CLCN3: variants seen among roughly 807,000 people sequenced by gnomAD.
CLCN3 encodes H(+)/Cl(-) exchange transporter 3.
In CLCN3, 16 loss-of-function variants were observed where a neutral mutation model predicts 83.4. The ratio of observed to expected loss-of-function variants is 0.19; its 90% CI spans 0.13 to 0.29. The LOEUF is 0.29. CLCN3 is among the 10% of genes least tolerant of loss of function. CLCN3 has a pLI of 1.00. For synonymous variants in CLCN3, 322 were observed against 346.2 expected (o/e 0.93, Z 0.78); for missense variants, 544 against 1,006.0 (o/e 0.54, Z 6.21).
intron 11 of CLCN3, among the ~76,000 whole-genome samples, chr4:169,710,786 T>C (rs1733183247): frequency 6.6e-6 from 1 of 152,238 alleles, no homozygotes; most frequent in Non-Finnish European, 1.5e-5. Context: ...TAGTTTTAAT[T>C]CAGAATGTTA....
intron 2 of CLCN3, among the ~76,000 whole-genome samples, chr4:169,666,189 A>T (rs1352664051): frequency 1.3e-5 from 2 of 152,218 alleles, no homozygotes; most frequent in Admixed American, 1.3e-4. Flanking sequence ...AAAACAAAAT[A>T]AAATATCAGT....
intron 2 of CLCN3, among the ~76,000 whole-genome samples, chr4:169,637,756 G>A (rs1730269827): frequency 6.6e-6 from 1 of 151,998 alleles, no homozygotes; most frequent in African/African-American, 2.4e-5. Context: ...CCTACCTGCA[G>A]TTAATTTTTT....
At chr4:169,649,047 T>C (rs1190284529) in intron 2 of CLCN3, among the ~76,000 whole-genome samples, 1 of 146,990 alleles carries the variant, frequency 6.8e-6, no homozygotes, top group Admixed American at 6.8e-5. Flanking sequence ...AAAGTATGAA[T>C]GTGAGAACAT....
chr4:169,631,479 G>A (rs1220252701), intron 1 of CLCN3, among the ~76,000 whole-genome samples: 2 of 151,826 alleles, frequency 1.3e-5, no homozygotes, highest in African/African-American at 2.4e-5. Context: ...TAGTAGAGAC[G>A]GGGTTTCACC....
chr4:169,683,235 T>C (rs1413558254), intron 3 of CLCN3, among the ~76,000 whole-genome samples: 14 of 152,216 alleles, frequency 9.2e-5, no homozygotes, highest in Admixed American at 9.2e-4. Flanking sequence ...TAGTGGCTCA[T>C]GCCTGTAATC....
chr4:169,620,603 C>T lies in CLCN3; in HGVS notation c.-477C>T, dbSNP rs933307944. 9 of 397,066 alleles carry T rather than the reference C, an allele frequency of 2.3e-5. No homozygotes were observed. Among genetic ancestry groups the T allele is most frequent in the Admixed American group, 1.8e-4 (4 of 22,704 alleles). 24.6% of individuals were successfully genotyped at this position (397,066 alleles called of 1,614,324 possible). ...CTCTTCCCCTTCCGTGGGTCAGGGCCGGTCCGGTCCGGAACCTGCAGCCCC... is the reference window on the plus strand; with the variant it reads ...CTCTTCCCCTTCCGTGGGTCAGGGCTGGTCCGGTCCGGAACCTGCAGCCCC... On this transcript the variant is annotated 5_prime_UTR_variant, in exon 1 of 13. Transcript: ENST00000513761.
In CLCN3 at chr4:169,648,754, C is replaced by T. The variant is rs72694760; in HGVS notation, c.160+12666C>T. Among the ~76,000 whole-genome samples the T allele has an allele frequency of 4.3e-3, 648 of 152,290 alleles. 7 individuals carry two copies. The highest frequency in any genetic ancestry group is 0.036 in the South Asian group (174 of 4,832). Reference sequence around the variant, plus strand: ...AAGAAGTATGAATGTCAGCCAGGCACAGTGGCTTATGCCTATAATCCCAGC... The same window carrying T: ...AAGAAGTATGAATGTCAGCCAGGCATAGTGGCTTATGCCTATAATCCCAGC... On this transcript the variant is annotated intron_variant, in intron 2 of 12. Transcript: ENST00000513761.
intron 2 of CLCN3, among the ~76,000 whole-genome samples, chr4:169,642,440 G>C (rs1479815197): frequency 1.3e-5 from 2 of 152,196 alleles, no homozygotes; most frequent in African/African-American, 2.4e-5. Flanking sequence ...ATGAAACAGT[G>C]ATTTTTAGGA....
intron 2 of CLCN3, among the ~76,000 whole-genome samples, chr4:169,672,220 T>TAGATAGATAGATAGATAGATA (rs1553968499): frequency 6.2e-4 from 90 of 145,612 alleles, no homozygotes; most frequent in African/African-American, 1.7e-3. Context: ...TCAAAATAAA[T>TAGATAGATAGATAGATAGATA]GATAGATAGA....
intron 1 of CLCN3, among the ~76,000 whole-genome samples, chr4:169,622,199 C>T (rs1287001414): frequency 6.6e-6 from 1 of 151,976 alleles, no homozygotes; most frequent in Non-Finnish European, 1.5e-5. Flanking sequence ...TACATTTTTA[C>T]TTGGAAATTG....
intron 11 of CLCN3, among the ~76,000 whole-genome samples, chr4:169,712,115 G>A (rs183392924): frequency 4.0e-5 from 6 of 149,766 alleles, no homozygotes; most frequent in Admixed American, 2.0e-4. Flanking sequence ...CTCCTGCCTC[G>A]GCCTCCCAAA....
At chr4:169,668,102 C>T (rs1308656939) in intron 2 of CLCN3, among the ~76,000 whole-genome samples, 3 of 135,870 alleles carry the variant, frequency 2.2e-5, no homozygotes, top group East Asian at 4.2e-4. Context: ...TTTGGTTAAG[C>T]GATATTATAA....
chr4:169,672,371 C>T (rs999273030), intron 2 of CLCN3, among the ~76,000 whole-genome samples: 21 of 152,038 alleles, frequency 1.4e-4, no homozygotes, highest in Non-Finnish European at 2.6e-4. Context: ...AACCCCTGGT[C>T]TCAAGTGAGC....
intron 7 of CLCN3, among the ~76,000 whole-genome samples, chr4:169,693,331 A>C (rs114614736): frequency 6.6e-6 from 1 of 152,352 alleles, no homozygotes; most frequent in Non-Finnish European, 1.5e-5. Flanking sequence ...AGTACTTTAT[A>C]ACAAAAATAG....
At position 169,704,115 on chromosome 4, in the gene CLCN3, T is replaced by G; in HGVS notation, c.1681T>G (p.Trp561Gly). ...YHHDWFIFKE[W>G]CEVGADCITP... ...CCACGACTGGTTTATCTTTAAGGAG[T>G]GGTGTGAGGTCGGGGCTGATTGCAT... The change falls in exon 10 of 13, where the codon TGG becomes GGG. Residue 561 changes from tryptophan (W) to glycine (G), a missense_variant. Transcript: ENST00000513761. The G allele has an allele frequency of 6.2e-7, 1 of 1,613,400 alleles. No individual in the cohort carries two copies. Among genetic ancestry groups the G allele is most frequent in the South Asian group, 1.1e-5 (1 of 91,060 alleles).
intron 2 of CLCN3, among the ~76,000 whole-genome samples, chr4:169,637,564 C>T (rs1730257111): frequency 7.0e-6 from 1 of 142,692 alleles, no homozygotes; most frequent in Admixed American, 7.5e-5. Flanking sequence ...AGCAAAACCC[C>T]GTCTCAAAAA....
At chr4:169,635,834 C>T in intron 1 of CLCN3, 79 bp from the exon 2 acceptor site, 1 of 1,184,918 alleles carries the variant, frequency 8.4e-7, no homozygotes, top group Non-Finnish European at 1.1e-6. Flanking sequence ...TAGATCATAA[C>T]TTTCCTTTTG....
chr4:169,699,061 T>G (rs565342153), intron 9 of CLCN3, among the ~76,000 whole-genome samples: 1 of 152,328 alleles, frequency 6.6e-6, no homozygotes, highest in Admixed American at 6.5e-5. Context: ...GCTTCGAAAC[T>G]TTCTTTCTGC....
chr4:169,718,470 T>A lies in CLCN3; in HGVS notation c.2367-1437T>A, dbSNP rs76117073. ...CCTGCATATCTTCAAAGTCACAGTG[T>A]GTGTCCTGCCATCTCATTAGTGAAT... On this transcript the variant is annotated intron_variant, in intron 12 of 12. Coordinates refer to ENST00000513761, the MANE Select transcript of CLCN3 (RefSeq NM_001829.4). Among the ~76,000 whole-genome samples, 1,033 of 152,324 alleles carry A rather than the reference T, an allele frequency of 6.8e-3. 8 individuals are homozygous for A. Among genetic ancestry groups the A allele is most frequent in the African/African-American group, 0.023 (966 of 41,572 alleles).
Sources: allele counts gnomAD v4.1 joint callset (sites outside exome capture counted in the v4.1 genomes callset), GRCh38; gene constraint gnomAD v4.1.1; transcripts MANE v1.5; gene names NCBI Gene and HGNC (gene_info 2026-07-23, HGNC 2026-07-21).